Variants in FAF1 observed in about 807,000 individuals in gnomAD.
FAF1 encodes Fas associated factor 1.
FAF1 carries 25 observed loss-of-function variants against 92.5 expected under a neutral mutation model. The ratio of observed to expected loss-of-function variants is 0.27; its 90% CI spans 0.20 to 0.38. The LOEUF (loss-of-function observed/expected upper bound fraction) is 0.38, where lower values mean the gene tolerates loss of function less well. Ranked by LOEUF, FAF1 falls within the 10% of genes least tolerant of loss-of-function variation. The probability of loss-of-function intolerance (pLI) is 1.00; values close to 1 mark genes in which losing one functional copy is unlikely to be tolerated. For synonymous variants in FAF1, 234 were observed against 273.2 expected (o/e 0.86, Z 1.42); for missense variants, 636 against 793.3 (o/e 0.80, Z 2.38).
intron 6 of FAF1, among the ~76,000 whole-genome samples, chr1:50,728,965 C>A (rs1244684180): frequency 6.8e-6 from 1 of 146,204 alleles, no homozygotes; most frequent in African/African-American, 2.5e-5. Flanking sequence ...GAAAAAAAGT[C>A]ATTAAATAGT....
intron 3 of FAF1, among the ~76,000 whole-genome samples, chr1:50,796,251 C>A (rs935604897): frequency 4.6e-5 from 7 of 152,014 alleles, no homozygotes. Flanking sequence ...GCAGTTTGCA[C>A]ACTGATCCTA....
At chr1:50,876,827 G>A (rs1290868792) in intron 1 of FAF1, among the ~76,000 whole-genome samples, 1 of 152,002 alleles carries the variant, frequency 6.6e-6, no homozygotes, top group South Asian at 2.1e-4. Flanking sequence ...CAGGTGGTCC[G>A]CCCACCTCGG....
chr1:50,665,850 G>C (rs1374923031), intron 7 of FAF1, among the ~76,000 whole-genome samples: 2 of 152,096 alleles, frequency 1.3e-5, no homozygotes, highest in Admixed American at 1.3e-4. Flanking sequence ...TATAAGTATA[G>C]GTACATATGT....
chr1:50,647,928 G>A (rs1398657868), intron 8 of FAF1, among the ~76,000 whole-genome samples: 1 of 152,042 alleles, frequency 6.6e-6, no homozygotes, highest in Non-Finnish European at 1.5e-5. Context: ...GTTGGAGAAG[G>A]CAGCACGGGA....
intron 15 of FAF1, among the ~76,000 whole-genome samples, chr1:50,501,429 C>T (rs538870705): frequency 1.1e-4 from 16 of 152,228 alleles, no homozygotes; most frequent in African/African-American, 3.8e-4. Context: ...CTTTGGAAGG[C>T]CAAGGCAGGC....
intron 12 of FAF1, among the ~76,000 whole-genome samples, chr1:50,574,685 A>G (rs1265900909): frequency 1.3e-5 from 2 of 152,158 alleles, no homozygotes; most frequent in African/African-American, 4.8e-5. Flanking sequence ...AGAGTATAGC[A>G]GTAAAGACTT....
At chr1:50,717,056 C>T (rs1300623159) in intron 6 of FAF1, among the ~76,000 whole-genome samples, 1 of 152,198 alleles carries the variant, frequency 6.6e-6, no homozygotes, top group African/African-American at 2.4e-5. Context: ...AAGGAACAAA[C>T]TCTGGACACA....
intron 15 of FAF1, among the ~76,000 whole-genome samples, chr1:50,521,707 C>T (rs1647505471): frequency 6.6e-6 from 1 of 152,162 alleles, no homozygotes. Context: ...ACAATGAATG[C>T]TTTTACAGTA....
At chr1:50,763,535 C>T (rs1285623069) in intron 4 of FAF1, among the ~76,000 whole-genome samples, 2 of 152,234 alleles carry the variant, frequency 1.3e-5, no homozygotes, top group African/African-American at 4.8e-5. Flanking sequence ...GGGCTCTAAT[C>T]AGACATACAT....
At chr1:50,918,140 C>G (rs1386130422) in intron 1 of FAF1, among the ~76,000 whole-genome samples, 2 of 150,624 alleles carry the variant, frequency 1.3e-5, no homozygotes, top group East Asian at 1.9e-4. Flanking sequence ...AAATTGTCCA[C>G]TTACAAAGAG....
intron 18 of FAF1, among the ~76,000 whole-genome samples, chr1:50,466,539 A>G (rs1646498297): frequency 6.6e-6 from 1 of 152,238 alleles, no homozygotes; most frequent in Non-Finnish European, 1.5e-5. Flanking sequence ...AGACTGGATG[A>G]GAGCGCTTAG....
chr1:50,619,001 C>T (rs969182458), intron 8 of FAF1, among the ~76,000 whole-genome samples: 1 of 152,108 alleles, frequency 6.6e-6, no homozygotes, highest in Non-Finnish European at 1.5e-5. Flanking sequence ...ATGTAATTCA[C>T]CAGCCTTGGA....
intron 6 of FAF1, among the ~76,000 whole-genome samples, chr1:50,734,519 G>C (rs959502499): frequency 1.6e-4 from 24 of 152,076 alleles, no homozygotes; most frequent in Non-Finnish European, 2.1e-4. Flanking sequence ...TGGATCACGA[G>C]GTCAGGAGAT....
At chr1:50,493,171 T>C (rs1646860485) in intron 15 of FAF1, among the ~76,000 whole-genome samples, 1 of 151,988 alleles carries the variant, frequency 6.6e-6, no homozygotes, top group African/African-American at 2.4e-5. Flanking sequence ...TAGCTGGGAT[T>C]ACACGCACCC....
intron 12 of FAF1, among the ~76,000 whole-genome samples, chr1:50,571,978 G>GTAGTTC (rs1257637964): frequency 1.3e-5 from 2 of 151,414 alleles, no homozygotes; most frequent in African/African-American, 2.4e-5. Context: ...ATGGTACAAT[G>GTAGTTC]TAGTTCATAG....
intron 1 of FAF1, among the ~76,000 whole-genome samples, chr1:50,917,532 G>A (rs1281509688): frequency 2.0e-5 from 3 of 150,324 alleles, no homozygotes; most frequent in Non-Finnish European, 2.9e-5. Flanking sequence ...TATTCATTGA[G>A]TCAGATAACT....
chr1:50,540,019 T>C (rs796788939), intron 13 of FAF1, among the ~76,000 whole-genome samples: 15 of 152,196 alleles, frequency 9.9e-5, no homozygotes, highest in African/African-American at 3.4e-4. Context: ...TCACCCAGGC[T>C]GGAGTGCAGT....
At position 50,567,196 on chromosome 1, in the gene FAF1, T is replaced by G; in HGVS notation, c.1149A>C (p.Glu383Asp). The G allele has an allele frequency of 6.2e-7, 1 of 1,609,308 alleles. No individual in the cohort carries two copies. Among genetic ancestry groups the G allele is most frequent in the Admixed American group, 1.7e-5 (1 of 59,782 alleles). Residue 383 changes from glutamate to aspartate, a missense_variant, in exon 13 of 19, where the codon GAA becomes GAC. By Grantham distance (45) the Glu-to-Asp change is conservative (BLOSUM62 2). This residue lies in a region of FAF1 where 319 missense variants were observed against 451.0 expected (regional missense o/e 0.71). Coordinates refer to ENST00000396153, the MANE Select transcript of FAF1 (RefSeq NM_007051.3). ...KLLAIYLHHD[E>D]SVLTNVFCSQ... ...AGCAGAACACGTTGGTTAACACACT[T>G]TCATCATGGTGGAGGTAGATAGCAA...
chr1:50,745,278 G>A (rs1327626558), intron 4 of FAF1, among the ~76,000 whole-genome samples: 1 of 152,056 alleles, frequency 6.6e-6, no homozygotes, highest in Non-Finnish European at 1.5e-5. Flanking sequence ...TCCAGCCTGG[G>A]TGACAAGAGA....
Sources: allele counts gnomAD v4.1 joint callset (sites outside exome capture counted in the v4.1 genomes callset), GRCh38; gene constraint gnomAD v4.1.1; regional missense constraint gnomAD v4.1.1; transcripts MANE v1.5; gene names NCBI Gene and HGNC (gene_info 2026-07-23, HGNC 2026-07-21).